OSBPL8: variants seen among roughly 807,000 people sequenced by gnomAD.
OSBPL8 encodes oxysterol binding protein like 8, also known as oxysterol-binding protein-related protein 8.
A neutral mutation model predicts 125.5 loss-of-function variants in OSBPL8; 59 were observed. That is an observed-to-expected ratio of 0.47 (90% CI 0.38 to 0.58). The LOEUF (loss-of-function observed/expected upper bound fraction) is 0.58, where lower values mean the gene tolerates loss of function less well. Ranked by LOEUF, OSBPL8 falls within the 20% of genes least tolerant of loss-of-function variation. The probability of loss-of-function intolerance (pLI) is 0.00; values close to 1 mark genes in which losing one functional copy is unlikely to be tolerated. For missense variants in OSBPL8, 758 were observed against 1,047.8 expected (o/e 0.72, Z 3.82); for synonymous variants, 330 against 338.9 (o/e 0.97, Z 0.29).
chr12:76,477,384 C>A (rs1252423594), intron 2 of OSBPL8, among the ~76,000 whole-genome samples: 1 of 151,824 alleles, frequency 6.6e-6, no homozygotes, highest in Non-Finnish European at 1.5e-5. Context: ...CAGAATATAC[C>A]CTTGGTATGA....
At chr12:76,520,504 T>C (rs972355560) in intron 1 of OSBPL8, among the ~76,000 whole-genome samples, 5 of 152,190 alleles carry the variant, frequency 3.3e-5, no homozygotes, top group African/African-American at 4.8e-5. Flanking sequence ...TATGACCTCA[T>C]GGACCTTACA....
chr12:76,499,746 C>T (rs1006757516), intron 1 of OSBPL8, among the ~76,000 whole-genome samples: 5 of 152,022 alleles, frequency 3.3e-5, no homozygotes, highest in East Asian at 3.9e-4. Flanking sequence ...CCCAGCTACT[C>T]GGGAGGCTGA....
chr12:76,543,200 T>C (rs928252624), intron 1 of OSBPL8, among the ~76,000 whole-genome samples: 14 of 152,138 alleles, frequency 9.2e-5, no homozygotes, highest in Non-Finnish European at 2.1e-4. Context: ...GCTTACATAG[T>C]AACTTGCACT....
At position 76,352,050 on chromosome 12, in the gene OSBPL8, G is replaced by C. The variant is rs1301364759; in HGVS notation, c.*3839C>G. On this transcript the variant is annotated 3_prime_UTR_variant, in exon 24 of 24. Coordinates refer to ENST00000261183, the MANE Select transcript of OSBPL8 (RefSeq NM_020841.5). The stretch of plus-strand genomic sequence containing the variant: ...TATTTTTATTCTATCACACAAAACT[G>C]ACCAGTGGTAGTGCTTGAATTTATG... 2.6e-5 allele frequency: 4 copies of C among 152,380 alleles called. No homozygotes were observed. The highest frequency in any genetic ancestry group is 9.7e-5 in the African/African-American group (4 of 41,446). The allele number at this position is 152,380 out of a possible 1,614,324, so 9.4% of individuals were successfully genotyped here. A position where few individuals can be genotyped will look rare whatever the true frequency, so the allele number is the denominator to read the frequency against.
chr12:76,533,918 A>G (rs985165134), intron 1 of OSBPL8, among the ~76,000 whole-genome samples: 6 of 152,238 alleles, frequency 3.9e-5, no homozygotes, highest in Non-Finnish European at 8.8e-5. Context: ...TATCTAGGAA[A>G]GCACACGATT....
At chr12:76,465,836 T>C (rs1235369608) in intron 2 of OSBPL8, among the ~76,000 whole-genome samples, 1 of 151,848 alleles carries the variant, frequency 6.6e-6, no homozygotes, top group Non-Finnish European at 1.5e-5. Context: ...TGAAACCCCG[T>C]CTCTACCAAA....
intron 1 of OSBPL8, among the ~76,000 whole-genome samples, chr12:76,507,141 TTCTC>T (rs933653181): frequency 1.3e-5 from 2 of 151,904 alleles, no homozygotes; most frequent in African/African-American, 4.9e-5. Flanking sequence ...GAAGACAATG[TTCTC>T]TCTATTGTTC....
intron 1 of OSBPL8, among the ~76,000 whole-genome samples, chr12:76,509,443 T>C (rs577519494): frequency 7.8e-4 from 119 of 152,228 alleles, no homozygotes; most frequent in African/African-American, 2.1e-3. Context: ...TTTCCAAATA[T>C]CAAGCTAGTA....
At chr12:76,518,929 G>A (rs1881810930) in intron 1 of OSBPL8, among the ~76,000 whole-genome samples, 1 of 152,196 alleles carries the variant, frequency 6.6e-6, no homozygotes, top group Non-Finnish European at 1.5e-5. Context: ...AAGATCTCTG[G>A]AAAAGGCTTT....
intron 1 of OSBPL8, among the ~76,000 whole-genome samples, chr12:76,490,451 C>T (rs1329806612): frequency 6.6e-6 from 1 of 152,184 alleles, no homozygotes; most frequent in Non-Finnish European, 1.5e-5. Flanking sequence ...GGGACTATGG[C>T]TGGACGTTGG....
rs563024771 is a variant in OSBPL8, at chr12:76,377,860, A to C, written c.1729+592T>G. On this transcript the variant is annotated intron_variant, in intron 16 of 23. Transcript: ENST00000261183. ...TCTGTGCTTCATTTTTCCTCTTCTAAAAAAGGGAATAATAATATTTCTATT... is the reference window on the plus strand; with the variant it reads ...TCTGTGCTTCATTTTTCCTCTTCTACAAAAGGGAATAATAATATTTCTATT... Among the ~76,000 whole-genome samples, 256 of 152,250 alleles carry C rather than the reference A, an allele frequency of 1.7e-3. 1 individual carries two copies. Among genetic ancestry groups the C allele is most frequent in the African/African-American group, 6.0e-3 (250 of 41,536 alleles).
At chr12:76,410,669 T>A in intron 4 of OSBPL8, 35 bp from the exon 5 acceptor site, 1 of 1,372,596 alleles carries the variant, frequency 7.3e-7, no homozygotes, top group Non-Finnish European at 1.0e-6. Context: ...GTATTACTAC[T>A]TTTGAACATG....
Position 76,512,121 on chromosome 12 carries a change from T to C in OSBPL8, c.-67-24503A>G, listed in dbSNP as rs148399832. ...TTATCTTTTCTGCTCCTCTACCTCA[T>C]ATAACCCTCCCCGCTCAAGTAGACC... On this transcript the variant is annotated intron_variant, in intron 1 of 23. Coordinates refer to ENST00000261183, the MANE Select transcript of OSBPL8 (RefSeq NM_020841.5). Among the ~76,000 whole-genome samples the C allele has an allele frequency of 6.4e-3, 982 of 152,324 alleles. 12 individuals are homozygous for C. The highest frequency in any genetic ancestry group is 0.023 in the African/African-American group (949 of 41,580).
chr12:76,365,242 A>G (rs572787745), intron 21 of OSBPL8, among the ~76,000 whole-genome samples: 1 of 152,294 alleles, frequency 6.6e-6, no homozygotes, highest in Admixed American at 6.5e-5. Context: ...GCGCCTGGCC[A>G]AAATCTTAAC....
At chr12:76,461,076 T>C (rs1330956338) in intron 2 of OSBPL8, among the ~76,000 whole-genome samples, 1 of 152,148 alleles carries the variant, frequency 6.6e-6, no homozygotes, top group Non-Finnish European at 1.5e-5. Context: ...ATTCTTCTGG[T>C]TTTACAAACA....
intron 1 of OSBPL8, among the ~76,000 whole-genome samples, chr12:76,501,412 A>G (rs749420380): frequency 1.4e-4 from 21 of 152,234 alleles, no homozygotes; most frequent in Non-Finnish European, 2.5e-4. Flanking sequence ...GAAAAGGAGA[A>G]TATGTAACAG....
At chr12:76,436,824 C>T (rs1469951030) in intron 4 of OSBPL8, among the ~76,000 whole-genome samples, 1 of 152,116 alleles carries the variant, frequency 6.6e-6, no homozygotes, top group Non-Finnish European at 1.5e-5. Flanking sequence ...ATACCTCCCA[C>T]TCTTCCAGCC....
intron 5 of OSBPL8, among the ~76,000 whole-genome samples, chr12:76,409,925 T>G (rs1253614146): frequency 6.6e-6 from 1 of 152,138 alleles, no homozygotes; most frequent in Non-Finnish European, 1.5e-5. Context: ...CTACTATATC[T>G]TACCAGAAAG....
chr12:76,459,938 A>ATG (rs750344825), intron 2 of OSBPL8, 43 bp from the exon 3 acceptor site: 3 of 1,606,128 alleles, frequency 1.9e-6, no homozygotes, highest in Non-Finnish European at 2.6e-6. Context: ...ATACAGTCCA[A>ATG]ATCAGGAAGA....
Sources: gnomAD v4.1 joint callset for allele counts (sites outside exome capture counted in the v4.1 genomes callset) on GRCh38, gnomAD v4.1.1 for gene constraint, MANE v1.5 for transcripts, NCBI Gene and HGNC (gene_info 2026-07-23, HGNC 2026-07-21) for gene names.